Variants in CDK6 observed in about 807,000 individuals in gnomAD.
The protein encoded by CDK6 is cyclin-dependent kinase 6.
Under a neutral mutation model 37.1 loss-of-function variants are expected in CDK6, and 6 were observed. The ratio of observed to expected loss-of-function variants is 0.16; its 90% confidence interval spans 0.09 to 0.32. The LOEUF (loss-of-function observed/expected upper bound fraction) is 0.32, where lower values mean the gene tolerates loss of function less well. Among genes scored for constraint, CDK6 ranks in the 10% least tolerant of loss-of-function variants. CDK6 has a pLI of 1.00. For missense variants in CDK6, 224 were observed against 418.9 expected, an observed-to-expected ratio of 0.53 and a Z score of 4.06; for synonymous variants, 160 against 161.3, an observed-to-expected ratio of 0.99 and a Z score of 0.06.
At chr7:92,773,845 C>A (rs976079596) in intron 3 of CDK6, among the ~76,000 whole-genome samples, 4 of 152,174 alleles carry the variant, frequency 2.6e-5, no homozygotes, top group Admixed American at 6.5e-5. Flanking sequence ...TAGCTATTAA[C>A]TTCTATCTAG....
At chr7:92,696,209 G>A (rs956446407) in intron 4 of CDK6, among the ~76,000 whole-genome samples, 2 of 152,196 alleles carry the variant, frequency 1.3e-5, no homozygotes, top group African/African-American at 4.8e-5. Context: ...AATGAGAGGC[G>A]AGGCTACAAG....
chr7:92,731,526 C>T (rs932914837), intron 3 of CDK6, among the ~76,000 whole-genome samples: 5 of 152,182 alleles, frequency 3.3e-5, no homozygotes, highest in African/African-American at 1.2e-4. Context: ...CACATCACCT[C>T]GAGGCCCCTC....
rs73710464 is a variant in CDK6 at position 92,719,496 on chromosome 7, A to G, written c.537+6130T>C. On this transcript the variant is annotated intron_variant, in intron 4 of 7. Coordinates refer to ENST00000424848, the MANE Select transcript of CDK6 (RefSeq NM_001145306.2). ...AATAAAGGGTGTTTTCAGAACATGTATATCTTTTATTAGTGAAGGTAATAT... is the reference window on the plus strand; with the variant it reads ...AATAAAGGGTGTTTTCAGAACATGTGTATCTTTTATTAGTGAAGGTAATAT... Among the ~76,000 whole-genome samples, 489 of 152,310 alleles carry G rather than the reference A, an allele frequency of 3.2e-3. 4 individuals are homozygous for G. The highest frequency in any genetic ancestry group is 0.011 in the African/African-American group (462 of 41,570).
intron 2 of CDK6, among the ~76,000 whole-genome samples, chr7:92,826,812 C>T (rs1035237625): frequency 4.6e-5 from 7 of 152,044 alleles, no homozygotes; most frequent in Admixed American, 1.3e-4. Flanking sequence ...AACTCTAAAA[C>T]GATGAAAAGT....
intron 4 of CDK6, among the ~76,000 whole-genome samples, chr7:92,712,177 C>A (rs1002886080): frequency 1.3e-5 from 2 of 151,024 alleles, no homozygotes; most frequent in African/African-American, 4.9e-5. Context: ...AAAAAAGAAC[C>A]ATGAGAGTTT....
intron 3 of CDK6, among the ~76,000 whole-genome samples, chr7:92,726,822 C>T (rs1585433332): frequency 1.3e-5 from 2 of 152,084 alleles, no homozygotes; most frequent in South Asian, 4.1e-4. Flanking sequence ...CAAATGAATA[C>T]GTAAAATAAG....
intron 2 of CDK6, among the ~76,000 whole-genome samples, chr7:92,802,560 T>TCGTTTA (rs1318750758): frequency 6.6e-6 from 1 of 152,228 alleles, no homozygotes; most frequent in East Asian, 1.9e-4. Context: ...CATAAAGTGC[T>TCGTTTA]CGTTTACGGT....
intron 3 of CDK6, among the ~76,000 whole-genome samples, chr7:92,754,273 T>C (rs936624378): frequency 6.6e-6 from 1 of 152,226 alleles, no homozygotes; most frequent in Non-Finnish European, 1.5e-5. Context: ...GCATTGTCTT[T>C]GGTGCAATCA....
intron 2 of CDK6, among the ~76,000 whole-genome samples, chr7:92,821,004 T>C (rs1158812076): frequency 1.3e-5 from 2 of 151,492 alleles, no homozygotes; most frequent in African/African-American, 2.4e-5. Context: ...TTCTTTAACA[T>C]TCCTTCCATT....
At chr7:92,761,050 T>A (rs1423207797) in intron 3 of CDK6, among the ~76,000 whole-genome samples, 3 of 152,104 alleles carry the variant, frequency 2.0e-5, no homozygotes, top group Non-Finnish European at 4.4e-5. Flanking sequence ...TTCTTAGTGG[T>A]TTGTAAGAGC....
chr7:92,707,208 C>A (rs895542148), intron 4 of CDK6, among the ~76,000 whole-genome samples: 8 of 152,156 alleles, frequency 5.3e-5, no homozygotes, highest in African/African-American at 1.9e-4. Flanking sequence ...TGTATTAACT[C>A]ATTTAATTCC....
chr7:92,792,287 C>G (rs978230525), intron 2 of CDK6, among the ~76,000 whole-genome samples: 43 of 152,162 alleles, frequency 2.8e-4, no homozygotes, highest in African/African-American at 9.9e-4. Context: ...TGTTGTTAAA[C>G]AAAGTTGAAT....
intron 5 of CDK6, among the ~76,000 whole-genome samples, chr7:92,653,623 G>A (rs148122077): frequency 7.1e-4 from 108 of 152,246 alleles, no homozygotes; most frequent in African/African-American, 2.5e-3. Flanking sequence ...TCACAGCCCT[G>A]AGCATCTCAA....
rs1799420124 is a variant in CDK6, at chr7:92,760,191, T to G, written c.369+14505A>C. ...GCAATTGCTTCCATTTACAATCAAG[T>G]GAAATTTCTCCATAGCCCAATTATA... On this transcript the variant is annotated intron_variant, in intron 3 of 7. Transcript: ENST00000424848. Among the ~76,000 whole-genome samples, 4 of 152,290 alleles carry G rather than the reference T, an allele frequency of 2.6e-5. No homozygotes were observed. The South Asian group carries it at 8.3e-4, about 32-fold the overall frequency.
At chr7:92,672,200 C>CACACAG (rs1399057146) in intron 4 of CDK6, among the ~76,000 whole-genome samples, 63 of 121,808 alleles carry the variant, frequency 5.2e-4, no homozygotes, top group Middle Eastern at 4.1e-3. Context: ...TACACACACA[C>CACACAG]ACACACACAC....
intron 3 of CDK6, among the ~76,000 whole-genome samples, chr7:92,773,025 T>A (rs1799756009): frequency 6.6e-6 from 1 of 152,220 alleles, no homozygotes; most frequent in African/African-American, 2.4e-5. Context: ...TTTGATAGTC[T>A]ATGTTTAAAG....
Position 92,833,005 on chromosome 7 carries a change from C to T in CDK6, c.233+86G>A. 1 of 954,524 alleles carries T rather than the reference C, an allele frequency of 1.0e-6. No individual in the cohort carries two copies. Among genetic ancestry groups the T allele is most frequent in the Non-Finnish European group, 1.6e-6 (1 of 632,896 alleles). 59.1% of individuals were successfully genotyped at this position (954,524 alleles called of 1,614,324 possible). ...ACCTCCCCAGTCGCCCTCTGCCCCG[C>T]ACCTTTCTGGGCCTGAGGATTCCCG... On this transcript the variant is annotated intron_variant, in intron 2 of 7. Coordinates refer to ENST00000424848, the MANE Select transcript of CDK6 (RefSeq NM_001145306.2). This position sits in a 1 kb window ranked among gnomAD's most constrained non-coding sequence, Gnocchi z 6.1.
intron 3 of CDK6, among the ~76,000 whole-genome samples, chr7:92,734,673 G>A (rs980393901): frequency 3.9e-5 from 6 of 152,156 alleles, no homozygotes; most frequent in Admixed American, 3.9e-4. Flanking sequence ...AGAACTCACT[G>A]ACTCCTTTTA....
At chr7:92,737,804 A>C (rs1665035272) in intron 3 of CDK6, among the ~76,000 whole-genome samples, 1 of 152,184 alleles carries the variant, frequency 6.6e-6, no homozygotes, top group Non-Finnish European at 1.5e-5. Context: ...TGAAAAGAAC[A>C]CTTAGCTTCA....
Sources: allele counts gnomAD v4.1 joint callset (sites outside exome capture counted in the v4.1 genomes callset), GRCh38; gene constraint gnomAD v4.1.1; non-coding constraint Gnocchi (gnomAD v3.1); transcripts MANE v1.5; gene names NCBI Gene and HGNC (gene_info 2026-07-23, HGNC 2026-07-21).